The following WLS variants were observed in gnomAD, a reference collection of about 807,000 sequenced individuals.
The protein encoded by WLS is Wnt ligand secretion mediator.
In WLS, 23 loss-of-function variants were observed where a neutral mutation model predicts 62.8. That is an observed-to-expected ratio of 0.37 (90% CI 0.26 to 0.52). The LOEUF (loss-of-function observed/expected upper bound fraction) is 0.52. Ranked by LOEUF, WLS falls within the 20% of genes least tolerant of loss-of-function variation. The pLI is 0.92. For synonymous variants in WLS, 246 were observed against 244.1 expected (o/e 1.01, Z -0.07); for missense variants, 615 against 697.3 (o/e 0.88, Z 1.33).
chr1:68,172,217 G>A (rs529877371), intron 2 of WLS, among the ~76,000 whole-genome samples: 228 of 151,920 alleles, frequency 1.5e-3, no homozygotes, highest in African/African-American at 5.1e-3. Context: ...TGTAGATGAC[G>A]GGTTGATGGG....
chr1:68,120,244 A>G (rs1646347083), intron 11 of WLS, among the ~76,000 whole-genome samples: 1 of 152,204 alleles, frequency 6.6e-6, no homozygotes, highest in Non-Finnish European at 1.5e-5. Context: ...AGCAAGAGTT[A>G]GAGACACAGC....
At chr1:68,228,366 G>C (rs1650255118) in intron 1 of WLS, 1 of 322,994 alleles carries the variant, frequency 3.1e-6, no homozygotes, top group Admixed American at 4.6e-5. Context: ...ATATTTCTGA[G>C]ACATGACTAA....
At chr1:68,213,748 C>T (rs931172290) in intron 1 of WLS, among the ~76,000 whole-genome samples, 1 of 152,118 alleles carries the variant, frequency 6.6e-6, no homozygotes, top group African/African-American at 2.4e-5. Context: ...TAACAACAAA[C>T]TGTCTTATTT....
chr1:68,109,579 AAGACTT>A (rs1646193556), intron 11 of WLS, among the ~76,000 whole-genome samples: 1 of 152,252 alleles, frequency 6.6e-6, no homozygotes, highest in African/African-American at 2.4e-5. Flanking sequence ...AGATTTGAAA[AAGACTT>A]AAACATAACT....
Position 68,125,895 on chromosome 1 carries a change from C to T in WLS, c.*331G>A, listed in dbSNP as rs1302046948. On this transcript the variant is annotated 3_prime_UTR_variant, in exon 12 of 12. Transcript: ENST00000262348. ...CTCCCCATTCGGCCCAAACCATCCC[C>T]CAAGGAATACACCCCCACCCCACCC... 3 of 1,079,072 alleles carry T rather than the reference C, an allele frequency of 2.8e-6. No individual in the cohort carries two copies. The highest frequency in any genetic ancestry group is 3.6e-5 in the South Asian group (1 of 27,880). 66.8% of individuals were successfully genotyped at this position (1,079,072 alleles called of 1,614,324 possible).
chr1:68,139,981 T>C (rs554957036), intron 10 of WLS, among the ~76,000 whole-genome samples: 6 of 152,394 alleles, frequency 3.9e-5, no homozygotes, highest in African/African-American at 1.2e-4. Context: ...GTTATACTTA[T>C]TTAAAATAAG....
intron 2 of WLS, 185 bp downstream of exon 2, chr1:68,193,770 A>C (rs1648499832): frequency 2.7e-6 from 2 of 729,668 alleles, no homozygotes; most frequent in Non-Finnish European, 2.2e-6. Flanking sequence ...GACTACCTCA[A>C]GGAACCTGGT....
intron 11 of WLS, among the ~76,000 whole-genome samples, chr1:68,115,977 C>T (rs1475805495): frequency 6.6e-6 from 1 of 152,176 alleles, no homozygotes; most frequent in East Asian, 1.9e-4. Context: ...CTCTGCACCT[C>T]CTGGTCGGGA....
intron 2 of WLS, among the ~76,000 whole-genome samples, chr1:68,188,429 C>A (rs551848298): frequency 6.6e-6 from 1 of 152,164 alleles, no homozygotes; most frequent in Non-Finnish European, 1.5e-5. Context: ...AAATATACTG[C>A]GTAATCTGCC....
At chr1:68,118,814 T>G (rs1037631519) in intron 11 of WLS, among the ~76,000 whole-genome samples, 3 of 137,294 alleles carry the variant, frequency 2.2e-5, no homozygotes, top group African/African-American at 8.3e-5. Flanking sequence ...GAGGTGGAGA[T>G]TGTAGTGAGC....
In WLS at chr1:68,104,193, T is replaced by TAA. The variant is rs61472446; in HGVS notation, c.1511-5442_1511-5441dup. 4.4e-3 allele frequency among the ~76,000 whole-genome samples: 653 copies of TAA among 149,480 alleles called. 4 individuals carry two copies. Among genetic ancestry groups the TAA allele is most frequent in the African/African-American group, 0.011 (468 of 40,736 alleles). ...TCGGGGCCCTGCAATGTTTGTGATT[T>TAA]AAAAAAAAAAGCAAAATCTAAGTGC... On this transcript the variant is annotated intron_variant, in intron 11 of 11. Coordinates refer to the WLS transcript ENST00000354777.
At chr1:68,134,313 A>G (rs1646574229) in intron 11 of WLS, among the ~76,000 whole-genome samples, 1 of 152,222 alleles carries the variant, frequency 6.6e-6, no homozygotes, top group Non-Finnish European at 1.5e-5. Context: ...CAGAATGCCC[A>G]ACATGGAAGA....
Position 68,126,078 on chromosome 1 carries a change from G to C in WLS, c.*148C>G. 1 of 1,445,328 alleles carries C rather than the reference G, an allele frequency of 6.9e-7. No homozygotes were observed. The highest frequency in any genetic ancestry group is 2.5e-5 in the East Asian group (1 of 39,784). The allele number at this position is 1,445,328 out of a possible 1,614,324, so 89.5% of individuals were successfully genotyped here. ...AAAAGCTACCGTCAGAAGGCAAACT[G>C]ACAAATGTCCATGCCGCTGGTCCAA... On this transcript the variant is annotated 3_prime_UTR_variant, in exon 12 of 12. Transcript: ENST00000262348.
intron 1 of WLS, among the ~76,000 whole-genome samples, chr1:68,231,134 G>T (rs768753184): frequency 6.6e-6 from 1 of 152,230 alleles, no homozygotes; most frequent in Non-Finnish European, 1.5e-5. Context: ...TTGAGGGGGC[G>T]GGGGGCGCGA....
At chr1:68,184,756 T>G (rs771894154) in intron 2 of WLS, among the ~76,000 whole-genome samples, 2 of 152,208 alleles carry the variant, frequency 1.3e-5, no homozygotes, top group Non-Finnish European at 2.9e-5. Flanking sequence ...ATCATAGATT[T>G]CCACAGACAG....
intron 10 of WLS, among the ~76,000 whole-genome samples, chr1:68,144,255 A>C (rs1646724019): frequency 6.6e-6 from 1 of 152,222 alleles, no homozygotes; most frequent in African/African-American, 2.4e-5. Context: ...AAATGGAATC[A>C]AATTTATGCT....
chr1:68,186,489 G>T (rs1469028284), intron 2 of WLS: 2 of 395,402 alleles, frequency 5.1e-6, no homozygotes, highest in African/African-American at 4.3e-5. Context: ...TTCAAAGACT[G>T]CCACGAAAAG....
chr1:68,107,128 T>TAA (rs893435055), intron 11 of WLS, among the ~76,000 whole-genome samples: 16 of 152,206 alleles, frequency 1.1e-4, no homozygotes, highest in African/African-American at 3.9e-4. Context: ...TTTATGAAAA[T>TAA]AAGACAAAAT....
At chr1:68,143,134 C>G (rs1646708047) in intron 10 of WLS, among the ~76,000 whole-genome samples, 1 of 152,106 alleles carries the variant, frequency 6.6e-6, no homozygotes, top group Admixed American at 6.5e-5. Flanking sequence ...TGAAACCATT[C>G]TAAGAGGAGA....
Sources: gnomAD v4.1 joint callset for allele counts (sites outside exome capture counted in the v4.1 genomes callset) on GRCh38, gnomAD v4.1.1 for gene constraint, MANE v1.5 for transcripts, NCBI Gene and HGNC (gene_info 2026-07-23, HGNC 2026-07-21) for gene names.